The following KCNMA1 variants were observed in gnomAD, a reference collection of about 807,000 sequenced individuals.
KCNMA1 encodes Calcium-activated potassium channel subunit alpha-1.
A neutral mutation model predicts 140.0 loss-of-function variants in KCNMA1; 29 were observed. That is an observed-to-expected ratio of 0.21 (90% CI 0.15 to 0.28). The LOEUF is 0.28. KCNMA1 is among the 10% of genes least tolerant of loss of function. The pLI is 1.00. For missense variants in KCNMA1, 880 were observed against 1,602.2 expected, an observed-to-expected ratio of 0.55 and a Z score of 7.70; for synonymous variants, 612 against 611.9, an observed-to-expected ratio of 1.00 and a Z score of 0.00.
chr10:76,996,409 T>C (rs2153377300), intron 19 of KCNMA1, among the ~76,000 whole-genome samples: 1 of 152,306 alleles, frequency 6.6e-6, no homozygotes, highest in Middle Eastern at 3.4e-3. Flanking sequence ...AAGAAGCCCC[T>C]TCCAGGCCCA....
chr10:77,331,681 G>T, intron 2 of KCNMA1, among the ~76,000 whole-genome samples: 1 of 151,684 alleles, frequency 6.6e-6, no homozygotes, highest in Non-Finnish European at 1.5e-5. Flanking sequence ...TGGGTATGGT[G>T]GTGCATGCCT....
chr10:77,201,521 A>G (rs1168589411), intron 3 of KCNMA1, among the ~76,000 whole-genome samples: 1 of 152,198 alleles, frequency 6.6e-6, no homozygotes, highest in Non-Finnish European at 1.5e-5. Flanking sequence ...TGCTCCAGGC[A>G]GCAATTGCTC....
chr10:76,965,130 A>G (rs1452478775), intron 20 of KCNMA1, among the ~76,000 whole-genome samples: 1 of 152,174 alleles, frequency 6.6e-6, no homozygotes, highest in Non-Finnish European at 1.5e-5. Context: ...GGACTTTACA[A>G]ATGAGGAAAG....
intron 2 of KCNMA1, among the ~76,000 whole-genome samples, chr10:77,345,378 C>T (rs376755863): frequency 5.7e-5 from 8 of 140,046 alleles, no homozygotes; most frequent in African/African-American, 2.0e-4. Flanking sequence ...CCAGGTGGTG[C>T]CTCCCTAATC....
intron 13 of KCNMA1, among the ~76,000 whole-genome samples, chr10:77,075,996 C>G (rs573270109): frequency 3.9e-5 from 6 of 152,262 alleles, no homozygotes; most frequent in African/African-American, 1.4e-4. Context: ...CACCACCCCT[C>G]CCTCCTCTCA....
chr10:77,196,732 A>G (rs976500286), intron 3 of KCNMA1, among the ~76,000 whole-genome samples: 1 of 152,216 alleles, frequency 6.6e-6, no homozygotes, highest in Non-Finnish European at 1.5e-5. Context: ...CTCTTGGGCT[A>G]AGGGATGCTG....
intron 8 of KCNMA1, among the ~76,000 whole-genome samples, chr10:77,109,114 G>A (rs921112450): frequency 6.6e-6 from 1 of 151,460 alleles, no homozygotes; most frequent in African/African-American, 2.4e-5. Flanking sequence ...TCACCTGGGA[G>A]GAGAAGATAG....
downstream of KCNMA1, chr10:76,874,327 A>C (rs1272141401): frequency 6.6e-6 from 1 of 152,184 alleles, no homozygotes; most frequent in Non-Finnish European, 1.5e-5. Flanking sequence ...AGTCCTGGAC[A>C]CAATAGTCTG....
At chr10:77,244,684 G>A (rs570876296) in intron 3 of KCNMA1, among the ~76,000 whole-genome samples, 18 of 152,278 alleles carry the variant, frequency 1.2e-4, no homozygotes, top group Non-Finnish European at 1.8e-4. Context: ...TCTCTACCAG[G>A]CTTTCACTCG....
At chr10:77,398,202 C>A (rs1013781087) in intron 2 of KCNMA1, among the ~76,000 whole-genome samples, 1 of 151,464 alleles carries the variant, frequency 6.6e-6, no homozygotes, top group African/African-American at 2.4e-5. Flanking sequence ...ATAATGATTT[C>A]TTTTCCTATG....
intron 2 of KCNMA1, among the ~76,000 whole-genome samples, chr10:77,258,254 G>C (rs189252871): frequency 6.6e-5 from 10 of 152,294 alleles, no homozygotes; most frequent in Admixed American, 5.9e-4. Context: ...CAATATGCCT[G>C]TCCCTAAATC....
At chr10:76,988,683 A>T (rs1873693) in intron 19 of KCNMA1, among the ~76,000 whole-genome samples, 81,985 of 151,882 alleles carry the variant, frequency 0.54, 22,405 homozygotes, top group Middle Eastern at 0.62. Flanking sequence ...CCAAAAACAC[A>T]TTGAATTTGC....
intron 1 of KCNMA1, among the ~76,000 whole-genome samples, chr10:77,419,275 G>A (rs956943126): frequency 1.2e-4 from 18 of 152,162 alleles, no homozygotes; most frequent in Admixed American, 3.3e-4. Context: ...CTGCCAGAGC[G>A]CTGCAGGCAT....
At chr10:77,251,133 T>A in intron 3 of KCNMA1, 62 bp downstream of exon 3, 1 of 1,295,888 alleles carries the variant, frequency 7.7e-7, no homozygotes, top group Non-Finnish European at 1.1e-6. Flanking sequence ...AATAAATGGA[T>A]CAATGTAAAG....
At chr10:77,542,343 T>A (rs2060378147) in intron 1 of KCNMA1, among the ~76,000 whole-genome samples, 1 of 152,198 alleles carries the variant, frequency 6.6e-6, no homozygotes, top group Non-Finnish European at 1.5e-5. Context: ...AGTGAGAGGA[T>A]GCCATGCCTG....
At chr10:76,948,225 T>C (rs765552363) in intron 22 of KCNMA1, among the ~76,000 whole-genome samples, 3 of 152,124 alleles carry the variant, frequency 2.0e-5, no homozygotes, top group Non-Finnish European at 4.4e-5. Flanking sequence ...AGGCTGCTCA[T>C]GAACTCCTGA....
intron 1 of KCNMA1, among the ~76,000 whole-genome samples, chr10:77,570,120 C>T (rs1369965612): frequency 6.6e-6 from 1 of 151,148 alleles, no homozygotes; most frequent in Non-Finnish European, 1.5e-5. Context: ...GAAATAGGAA[C>T]ACTTTTACAC....
At chr10:77,555,057 T>TACACACACACACACACACAC (rs111952376) in intron 1 of KCNMA1, among the ~76,000 whole-genome samples, 12,836 of 151,472 alleles carry the variant, frequency 0.085, 664 homozygotes, top group Admixed American at 0.14. Context: ...TCTTACCACA[T>TACACACACACACACACACAC]ACACACACGC....
intron 1 of KCNMA1, among the ~76,000 whole-genome samples, chr10:77,541,249 A>G (rs1158977741): frequency 6.6e-6 from 1 of 152,162 alleles, no homozygotes; most frequent in Non-Finnish European, 1.5e-5. Context: ...CCAGATGAAA[A>G]CATTAAACAA....
Sources: allele counts gnomAD v4.1 joint callset (sites outside exome capture counted in the v4.1 genomes callset), GRCh38; gene constraint gnomAD v4.1.1; transcripts MANE v1.5; gene names NCBI Gene and HGNC (gene_info 2026-07-23, HGNC 2026-07-21).